The following GPHN variants were observed in gnomAD, a reference collection of about 807,000 sequenced individuals.
GPHN encodes gephyrin.
In GPHN, 17 loss-of-function variants were observed where a neutral mutation model predicts 95.5. The ratio of observed to expected loss-of-function variants is 0.18; its 90% CI spans 0.12 to 0.27. The LOEUF is 0.27. Among genes scored for constraint, GPHN ranks in the 10% least tolerant of loss-of-function variants. The pLI is 1.00. For synonymous variants in GPHN, 320 were observed against 322.5 expected, an observed-to-expected ratio of 0.99 and a Z score of 0.08; for missense variants, 660 against 978.1, an observed-to-expected ratio of 0.67 and a Z score of 4.34.
intron 8 of GPHN, among the ~76,000 whole-genome samples, chr14:66,924,742 A>G (rs1349685961): frequency 1.3e-5 from 2 of 151,630 alleles, no homozygotes; most frequent in Non-Finnish European, 2.9e-5. Flanking sequence ...TTTTTTTTTC[A>G]TTCATTGAGC....
intron 5 of GPHN, among the ~76,000 whole-genome samples, chr14:66,911,391 T>A (rs2153555602): frequency 6.6e-6 from 1 of 152,104 alleles, no homozygotes; most frequent in Middle Eastern, 3.4e-3. Flanking sequence ...AACTATTGAA[T>A]TGTATCCTTT....
chr14:66,660,789 A>G (rs1033237451), intron 1 of GPHN, among the ~76,000 whole-genome samples: 2 of 152,174 alleles, frequency 1.3e-5, no homozygotes, highest in Non-Finnish European at 2.9e-5. Context: ...AGAATGGAGA[A>G]GAGCAGGACA....
At chr14:66,544,733 T>C (rs948279500) in intron 1 of GPHN, among the ~76,000 whole-genome samples, 11 of 152,200 alleles carry the variant, frequency 7.2e-5, no homozygotes, top group East Asian at 1.9e-4. Context: ...GAGGACCCTG[T>C]GGCCTTCCGC....
At chr14:67,643,362 G>T in the GPHN span, among the ~76,000 whole-genome samples, 1 of 152,194 alleles carries the variant, frequency 6.6e-6, no homozygotes, top group Non-Finnish European at 1.5e-5. Context: ...ATTTCACAAG[G>T]GAATGTGATT....
chr14:67,490,153 A>G, the GPHN span, among the ~76,000 whole-genome samples: 1 of 152,208 alleles, frequency 6.6e-6, no homozygotes, highest in East Asian at 1.9e-4. Context: ...TACTAATCAA[A>G]CATAGCAATG....
At chr14:67,362,749 T>TA in the GPHN span, among the ~76,000 whole-genome samples, 176 of 150,836 alleles carry the variant, frequency 1.2e-3, no homozygotes, top group African/African-American at 3.8e-3. Context: ...TTTTTTAAGT[T>TA]AAAAAAAAAA....
intron 1 of GPHN, among the ~76,000 whole-genome samples, chr14:66,675,383 A>T (rs1026185623): frequency 1.3e-5 from 2 of 152,034 alleles, no homozygotes; most frequent in Admixed American, 1.3e-4. Flanking sequence ...TGACCTCATG[A>T]TCTGCCCGCC....
the GPHN span, chr14:67,579,823 A>G: frequency 6.2e-7 from 1 of 1,609,542 alleles, no homozygotes; most frequent in Admixed American, 1.7e-5. Context: ...TGCCCTCTTC[A>G]CGGACGATCC....
At chr14:67,421,253 C>G in the GPHN span, among the ~76,000 whole-genome samples, 7 of 152,160 alleles carry the variant, frequency 4.6e-5, no homozygotes, top group Admixed American at 1.3e-4. Flanking sequence ...GAAGACTCAA[C>G]AAAGTTAACC....
At chr14:66,904,453 T>G (rs1488873149) in intron 5 of GPHN, among the ~76,000 whole-genome samples, 1 of 152,120 alleles carries the variant, frequency 6.6e-6, no homozygotes, top group African/African-American at 2.4e-5. Context: ...GAGCACTGAT[T>G]GGTGTATTTT....
At chr14:66,710,855 G>T (rs1320205649) in intron 2 of GPHN, among the ~76,000 whole-genome samples, 1 of 152,074 alleles carries the variant, frequency 6.6e-6, no homozygotes, top group Admixed American at 6.6e-5. Context: ...GCTTAAATTA[G>T]GTAATACATG....
rs201002825 is a variant in GPHN, at chr14:66,998,886, A to ATATAT, written c.964-24747_964-24746insTATAT. 7.9e-4 allele frequency among the ~76,000 whole-genome samples: 110 copies of ATATAT among 139,048 alleles called. 1 individual carries two copies. Among genetic ancestry groups the ATATAT allele is most frequent in the African/African-American group, 2.8e-3 (96 of 34,186 alleles). The allele number at this position is 139,048 out of a possible 152,430, so 91.2% of individuals were successfully genotyped here. A position where few individuals can be genotyped will look rare whatever the true frequency, so the allele number is the denominator to read the frequency against. Reference sequence around the variant, plus strand: ...AGTTATGGTCCCTTTGTAAAAAAAAAAAATATATATATATATATACACATA... The same window carrying ATATAT: ...AGTTATGGTCCCTTTGTAAAAAAAAATATATAAATATATATATATATATACACATA... On this transcript the variant is annotated intron_variant, in intron 9 of 22. Transcript: ENST00000478722.
chr14:67,118,332 G>A (rs900415485), intron 16 of GPHN, among the ~76,000 whole-genome samples: 7 of 152,122 alleles, frequency 4.6e-5, no homozygotes, highest in East Asian at 1.9e-4. Flanking sequence ...TTTGTGGGAA[G>A]GCAAATATAT....
chr14:67,381,569 A>C, the GPHN span: 1 of 1,593,398 alleles, frequency 6.3e-7, no homozygotes, highest in Admixed American at 1.7e-5. Flanking sequence ...TTTTTTATCA[A>C]CTTTTGAATT....
chr14:66,838,038 C>G (rs1334284927), intron 4 of GPHN, among the ~76,000 whole-genome samples: 1 of 151,988 alleles, frequency 6.6e-6, no homozygotes, highest in African/African-American at 2.4e-5. Context: ...CTTAATTCTG[C>G]TCTGTAATGG....
intron 1 of GPHN, among the ~76,000 whole-genome samples, chr14:66,678,901 G>A (rs1487083870): frequency 2.6e-5 from 4 of 152,180 alleles, no homozygotes; most frequent in South Asian, 4.1e-4. Context: ...TGGAGTCAGC[G>A]ACAAGACTTT....
At chr14:67,098,809 C>T (rs908638709) in intron 12 of GPHN, among the ~76,000 whole-genome samples, 15 of 139,164 alleles carry the variant, frequency 1.1e-4, no homozygotes, top group Admixed American at 8.4e-4. Context: ...GCAGCAAGAG[C>T]GAAACTCCAT....
At chr14:67,215,104 T>A in the GPHN span, among the ~76,000 whole-genome samples, 6 of 152,274 alleles carry the variant, frequency 3.9e-5, no homozygotes, top group Non-Finnish European at 7.4e-5. Context: ...TAATGCACAC[T>A]CAGATTTGAG....
chr14:67,371,586 CTA>C, the GPHN span, among the ~76,000 whole-genome samples: 5 of 152,156 alleles, frequency 3.3e-5, no homozygotes, highest in Non-Finnish European at 5.9e-5. Context: ...TTAGTATACT[CTA>C]TTATTCCTAG....
Sources: allele counts gnomAD v4.1 joint callset (sites outside exome capture counted in the v4.1 genomes callset), GRCh38; gene constraint gnomAD v4.1.1; transcripts MANE v1.5; gene names NCBI Gene and HGNC (gene_info 2026-07-23, HGNC 2026-07-21).